NALCN: variants seen among roughly 807,000 people sequenced by gnomAD.
The protein encoded by NALCN is sodium leak channel, non-selective, also known as sodium leak channel NALCN.
NALCN carries 111 observed loss-of-function variants against 225.3 expected under a neutral mutation model. The ratio of observed to expected loss-of-function variants is 0.49; its 90% CI spans 0.42 to 0.58. The LOEUF (loss-of-function observed/expected upper bound fraction) is 0.58. Ranked by LOEUF, NALCN falls within the 20% of genes least tolerant of loss-of-function variation. NALCN has a pLI of 0.00. For missense variants in NALCN, 1,378 were observed against 2,202.4 expected (o/e 0.63, Z 7.49); for synonymous variants, 764 against 769.0 (o/e 0.99, Z 0.11).
intron 28 of NALCN, among the ~76,000 whole-genome samples, chr13:101,090,786 G>T (rs1329109834): frequency 6.6e-6 from 1 of 152,120 alleles, no homozygotes; most frequent in Non-Finnish European, 1.5e-5. Flanking sequence ...TAATGCTGGG[G>T]TTTGAGCTTC....
At chr13:101,080,051 A>T (rs1032806506) in intron 34 of NALCN, among the ~76,000 whole-genome samples, 7 of 152,260 alleles carry the variant, frequency 4.6e-5, no homozygotes, top group African/African-American at 1.7e-4. Flanking sequence ...ACAGGCTTGT[A>T]TAATCTTTCT....
At chr13:101,161,941 T>C (rs958948189) in intron 15 of NALCN, among the ~76,000 whole-genome samples, 4 of 152,172 alleles carry the variant, frequency 2.6e-5, no homozygotes, top group African/African-American at 4.8e-5. Flanking sequence ...GCATGGTTCA[T>C]GCCCTGCTGA....
In NALCN at chr13:101,391,252, G is replaced by A. The variant is rs1012854443; in HGVS notation, c.291+3931C>T. ...AAATAACAAAAAAATACAAAATTAG[G>A]AGAAAATCAAACAGAGGAAAGAAAA... is the stretch of plus-strand genomic sequence containing the variant. On this transcript the variant is annotated intron_variant, in intron 3 of 43. Transcript: ENST00000251127. Among the ~76,000 whole-genome samples the A allele has an allele frequency of 5.9e-5, 9 of 152,098 alleles. No homozygotes were observed. In the East Asian group the frequency reaches 1.7e-3, roughly 29 times the overall value.
chr13:101,416,102 G>A (rs2047937570), intron 1 of NALCN, among the ~76,000 whole-genome samples: 1 of 151,382 alleles, frequency 6.6e-6, no homozygotes, highest in Non-Finnish European at 1.5e-5. Context: ...CCACCGCCCC[G>A]CTCTCGGGTG....
rs772781448 is a variant in NALCN, at chr13:101,089,398, GAAC to G, written c.3489+262_3489+264del. ...TGCTGCCCATCTTTCTTTTCAATTTGAACAATAGGAGACGCGCCTCTCAGTTGT... is the reference window on the plus strand; with the variant it reads ...TGCTGCCCATCTTTCTTTTCAATTTGAATAGGAGACGCGCCTCTCAGTTGT... On this transcript the variant is annotated intron_variant, in intron 30 of 43. Coordinates refer to ENST00000251127, the MANE Select transcript of NALCN (RefSeq NM_052867.4). This position sits in a 1 kb window ranked among gnomAD's most constrained non-coding sequence, Gnocchi z 4.7. Among the ~76,000 whole-genome samples, 7 of 152,042 alleles carry G rather than the reference GAAC, an allele frequency of 4.6e-5. No homozygotes were observed. The highest frequency in any genetic ancestry group is 1.0e-4 in the Non-Finnish European group (7 of 68,012).
chr13:101,093,862 AAGG>A (rs1220537948), intron 28 of NALCN, among the ~76,000 whole-genome samples: 3 of 152,188 alleles, frequency 2.0e-5, no homozygotes, highest in Non-Finnish European at 4.4e-5. Context: ...GGTTTGAGGA[AAGG>A]AAGAAAAGTT....
At chr13:101,257,058 C>T (rs576358941) in intron 11 of NALCN, among the ~76,000 whole-genome samples, 3 of 152,274 alleles carry the variant, frequency 2.0e-5, no homozygotes, top group East Asian at 1.9e-4. Context: ...CCACCATACC[C>T]GACCTTCTCT....
chr13:101,351,029 A>G (rs1391517757), intron 6 of NALCN, among the ~76,000 whole-genome samples: 1 of 152,166 alleles, frequency 6.6e-6, no homozygotes, highest in Non-Finnish European at 1.5e-5. Flanking sequence ...GTATATACAC[A>G]TACATATATA....
chr13:101,069,222 T>C (rs781204081), intron 37 of NALCN, among the ~76,000 whole-genome samples: 2 of 152,252 alleles, frequency 1.3e-5, no homozygotes, highest in South Asian at 2.1e-4. Flanking sequence ...TTTGGGAATA[T>C]AGACTCTACA....
intron 30 of NALCN, among the ~76,000 whole-genome samples, chr13:101,085,369 A>T (rs2033878882): frequency 7.2e-5 from 11 of 152,102 alleles, no homozygotes; most frequent in Admixed American, 7.2e-4. Context: ...TCCAGGGCAA[A>T]AAACAAATGC....
chr13:101,137,550 T>A (rs1008251167), intron 17 of NALCN, among the ~76,000 whole-genome samples: 1 of 152,006 alleles, frequency 6.6e-6, no homozygotes, highest in South Asian at 2.1e-4. Context: ...GAAGAGTAAA[T>A]CTTACCAGAA....
chr13:101,206,747 C>CAT (rs2040328899), intron 13 of NALCN, among the ~76,000 whole-genome samples: 1 of 140,278 alleles, frequency 7.1e-6, no homozygotes, highest in Non-Finnish European at 1.5e-5. Flanking sequence ...TATATATATA[C>CAT]ACATATAACA....
At chr13:101,346,087 C>CTCTCTCTCTCTATATATATATATA in intron 6 of NALCN, among the ~76,000 whole-genome samples, 120 of 70,894 alleles carry the variant, frequency 1.7e-3, no homozygotes, top group Non-Finnish European at 2.4e-3. Context: ...CTCTCTCTCT[C>CTCTCTCTCTCTATATATATATATA]TATATATATA....
chr13:101,273,754 A>G lies in NALCN; in HGVS notation c.1134+10179T>C, dbSNP rs1252310554. ...CAAAAAATTAGCCGGGCGTGGTGGC[A>G]GGCACCTGTAGACCCAGCAACTCGG... On this transcript the variant is annotated intron_variant, in intron 10 of 43. Coordinates refer to ENST00000251127, the MANE Select transcript of NALCN (RefSeq NM_052867.4). 3.3e-5 allele frequency among the ~76,000 whole-genome samples: 5 copies of G among 151,780 alleles called. No individual in the cohort carries two copies. The East Asian group carries it at 5.8e-4, about 18-fold the overall frequency.
chr13:101,416,999 CTTAT>C (rs2139581127), upstream of NALCN, among the ~76,000 whole-genome samples: 1 of 152,282 alleles, frequency 6.6e-6, no homozygotes, highest in African/African-American at 2.4e-5. Flanking sequence ...ATCAGTCACA[CTTAT>C]AGTTTTCTAA....
intron 6 of NALCN, among the ~76,000 whole-genome samples, chr13:101,367,411 AACTAATT>A (rs772537691): frequency 3.5e-3 from 359 of 101,916 alleles, no homozygotes; most frequent in Non-Finnish European, 5.1e-3. Flanking sequence ...AACACTTTCT[AACTAATT>A]ATTATTATTA....
At chr13:101,279,836 AAAATAAATAAAT>A (rs71121179) in intron 10 of NALCN, among the ~76,000 whole-genome samples, 31,860 of 134,002 alleles carry the variant, frequency 0.24, 4,594 homozygotes, top group South Asian at 0.32. Context: ...ATAAATAAAT[AAAATAAATAAAT>A]AAATAAATAA....
At chr13:101,291,886 TA>T (rs2043566582) in intron 9 of NALCN, 103 bp downstream of exon 9, 3 of 1,128,992 alleles carry the variant, frequency 2.7e-6, no homozygotes, top group Admixed American at 3.9e-5. Flanking sequence ...TGAGTCAGAC[TA>T]TAGAAGCCCA....
chr13:101,304,228 G>A (rs550532603), intron 7 of NALCN, among the ~76,000 whole-genome samples: 10 of 152,000 alleles, frequency 6.6e-5, no homozygotes, highest in African/African-American at 2.2e-4. Flanking sequence ...TATTTCAGAT[G>A]TAAAGACTTT....
Sources: gnomAD v4.1 joint callset for allele counts (sites outside exome capture counted in the v4.1 genomes callset) on GRCh38, gnomAD v4.1.1 for gene constraint, Gnocchi (gnomAD v3.1) non-coding constraint, MANE v1.5 for transcripts, NCBI Gene and HGNC (gene_info 2026-07-23, HGNC 2026-07-21) for gene names.